Variants in FAXDC2 observed in about 807,000 individuals in gnomAD.
FAXDC2 encodes the protein fatty acid hydroxylase domain containing 2.
A neutral mutation model predicts 40.9 loss-of-function variants in FAXDC2; 41 were observed. The ratio of observed to expected loss-of-function variants is 1.00; its 90% confidence interval spans 0.78 to 1.30. The LOEUF is 1.30. FAXDC2 is among the 50% of genes most tolerant of loss of function. FAXDC2 has a pLI of 0.00. For missense variants in FAXDC2, 390 were observed against 408.8 expected, an observed-to-expected ratio of 0.95 and a Z score of 0.40; for synonymous variants, 157 against 149.3, an observed-to-expected ratio of 1.05 and a Z score of -0.38.
intron 1 of FAXDC2, among the ~76,000 whole-genome samples, chr5:154,846,380 A>T (rs1431856236): frequency 1.3e-5 from 2 of 151,980 alleles, no homozygotes; most frequent in Non-Finnish European, 2.9e-5. Flanking sequence ...ACAATGCTAG[A>T]CATGGGATAG....
At chr5:154,832,180 A>AT (rs1221777602) in intron 4 of FAXDC2, among the ~76,000 whole-genome samples, 6 of 150,406 alleles carry the variant, frequency 4.0e-5, no homozygotes, top group Non-Finnish European at 1.5e-5. Context: ...GAATTGCCTG[A>AT]TTTTTATTTT....
rs145518722 is a variant in FAXDC2, at chr5:154,834,629, A to G, written c.240T>C (p.Phe80=). The G allele has an allele frequency of 9.7e-3, 15,626 of 1,610,392 alleles. 95 individuals are homozygous for G. The highest frequency in any genetic ancestry group is 0.012 in the Non-Finnish European group (13,856 of 1,176,666). Residue 80 remains phenylalanine, a synonymous_variant, in exon 4 of 9, where the codon TTT becomes TTC. Transcript: ENST00000326080. Reference sequence around the variant, plus strand: ...CTGGTGGTCTGGGAACCTCACCTATAAAGAAGAGGATCCACTCCTTCCCTT... The same window carrying G: ...CTGGTGGTCTGGGAACCTCACCTATGAAGAAGAGGATCCACTCCTTCCCTT... The part of the protein sequence containing the change: ...TFEGKEWILF[F]IGAIQVPCLF...
intron 4 of FAXDC2, among the ~76,000 whole-genome samples, chr5:154,831,667 A>C (rs1760195707): frequency 6.6e-6 from 1 of 152,084 alleles, no homozygotes; most frequent in Non-Finnish European, 1.5e-5. Context: ...AGCACCCTTC[A>C]TGCTCCATCA....
chr5:154,822,669 T>C (rs1759921127), intron 6 of FAXDC2, 92 bp from the exon 7 acceptor site: 3 of 939,896 alleles, frequency 3.2e-6, no homozygotes, highest in Non-Finnish European at 5.2e-6. Context: ...AACTAGGGGT[T>C]ACATCCATGG....
In FAXDC2 at chr5:154,822,560, G is replaced by A. The variant is rs943745693; in HGVS notation, c.590C>T (p.Thr197Ile). 2.5e-6 allele frequency: 4 copies of A among 1,613,984 alleles called. No individual in the cohort carries two copies. The Admixed American group carries it at 5.0e-5, about 20-fold the overall frequency. ...YYSHRLLHHP[T>I]FYKKIHKKHH... is the part of the protein sequence containing the mutation. Reference sequence around the variant, plus strand: ...TTTCTTGTGGATTTTCTTGTAGAATGTTGGGTGGTGAAGGAGCCTGGGGAA... The same window carrying A: ...TTTCTTGTGGATTTTCTTGTAGAATATTGGGTGGTGAAGGAGCCTGGGGAA... The change falls in exon 7 of 9, where the codon ACA becomes ATA. Residue 197 changes from threonine (T) to isoleucine (I), a missense_variant. Thr to Ile is a moderately conservative substitution (Grantham distance 89). Coordinates refer to ENST00000326080, the MANE Select transcript of FAXDC2 (RefSeq NM_032385.5).
At chr5:154,821,119 TG>T in intron 8 of FAXDC2, 140 bp downstream of exon 8, 1 of 728,672 alleles carries the variant, frequency 1.4e-6, no homozygotes, top group Non-Finnish European at 2.4e-6. Context: ...CATCCCAGTG[TG>T]GTTATTTTCC....
rs1759811609 is a variant in FAXDC2 at position 154,819,178 on chromosome 5, A to G, written c.*1138T>C. 6.6e-6 allele frequency: 1 copy of G among 152,230 alleles called. No individual in the cohort carries two copies. The highest frequency in any genetic ancestry group is 1.5e-5 in the Non-Finnish European group (1 of 68,050). 9.4% of individuals were successfully genotyped at this position (152,230 alleles called of 1,614,324 possible). ...CAAGTATATATAAGAATTTAGTAAAATGATAATGGTGGTCTTTCAAATCAA... is the reference window on the plus strand; with the variant it reads ...CAAGTATATATAAGAATTTAGTAAAGTGATAATGGTGGTCTTTCAAATCAA... On this transcript the variant is annotated 3_prime_UTR_variant, in exon 9 of 9. Transcript: ENST00000326080.
chr5:154,834,555 A>C, intron 4 of FAXDC2, 70 bp downstream of exon 4: 2 of 1,162,360 alleles, frequency 1.7e-6, no homozygotes, highest in Non-Finnish European at 2.5e-6. Context: ...AGTAGAGAAC[A>C]AAACAACAAA....
In FAXDC2 at chr5:154,818,914, G is replaced by C. The variant is rs1759802094; in HGVS notation, c.*1402C>G. 6.6e-6 allele frequency: 1 copy of C among 152,292 alleles called. No homozygotes were observed. The allele number at this position is 152,292 out of a possible 1,614,324, so 9.4% of individuals were successfully genotyped here. A position where few individuals can be genotyped will look rare whatever the true frequency, so the allele number is the denominator to read the frequency against. ...GCTGAGGGCAAAAGCCTCCTAGGGA[G>C]GGAGCCAGGTCCACCAAGGCCAGAG... On this transcript the variant is annotated 3_prime_UTR_variant, in exon 9 of 9. Coordinates refer to ENST00000326080, the MANE Select transcript of FAXDC2 (RefSeq NM_032385.5).
chr5:154,834,626 T>C lies in FAXDC2; in HGVS notation c.243A>G (p.Ile81Met). The change falls in exon 4 of 9, where the codon ATA (isoleucine) becomes ATG (methionine). Residue 81 changes from isoleucine to methionine, a missense_variant and splice_region_variant. Ile to Met is a conservative substitution (Grantham distance 10, BLOSUM62 1). Coordinates refer to ENST00000326080, the MANE Select transcript of FAXDC2 (RefSeq NM_032385.5). ...FEGKEWILFF[I>M]GAIQVPCLFF... ...GTGCTGGTGGTCTGGGAACCTCACCTATAAAGAAGAGGATCCACTCCTTCC... is the reference window on the plus strand; with the variant it reads ...GTGCTGGTGGTCTGGGAACCTCACCCATAAAGAAGAGGATCCACTCCTTCC... 9 of 1,609,204 alleles carry C rather than the reference T, an allele frequency of 5.6e-6. No homozygotes were observed. Among genetic ancestry groups the C allele is most frequent in the Non-Finnish European group, 7.7e-6 (9 of 1,175,578 alleles).
Position 154,824,750 on chromosome 5 carries a change from T to A in FAXDC2, c.367-1158A>T, listed in dbSNP as rs1041035386. 8.8e-6 allele frequency: 5 copies of A among 569,810 alleles called. No homozygotes were observed. In the African/African-American group the frequency reaches 9.4e-5, roughly 11 times the overall value. The allele number at this position is 569,810 out of a possible 1,614,324, so 35.3% of individuals were successfully genotyped here. A position where few individuals can be genotyped will look rare whatever the true frequency, so the allele number is the denominator to read the frequency against. Reference sequence around the variant, plus strand: ...ACAAAGATTCCTGCCCCCATGGAATTTATGTTCCAGTGAGAAAGGTAGACT... The same window carrying A: ...ACAAAGATTCCTGCCCCCATGGAATATATGTTCCAGTGAGAAAGGTAGACT... On this transcript the variant is annotated intron_variant, in intron 5 of 8. Transcript: ENST00000326080.
chr5:154,828,876 C>G lies in FAXDC2; in HGVS notation c.366+1925G>C, dbSNP rs535952555. Among the ~76,000 whole-genome samples the G allele has an allele frequency of 9.9e-5, 15 of 150,830 alleles. No homozygotes were observed. In the South Asian group the frequency reaches 3.1e-3, roughly 32 times the overall value. ...TCTGCCTCCCAAAGTGCTGAGATTACAAGCCTGAGCCACTGTGCCCCAGCC... is the reference window on the plus strand; with the variant it reads ...TCTGCCTCCCAAAGTGCTGAGATTAGAAGCCTGAGCCACTGTGCCCCAGCC... On this transcript the variant is annotated intron_variant, in intron 5 of 8. Coordinates refer to ENST00000326080, the MANE Select transcript of FAXDC2 (RefSeq NM_032385.5).
intron 4 of FAXDC2, among the ~76,000 whole-genome samples, chr5:154,832,673 TAA>T (rs924982192): frequency 3.3e-5 from 5 of 152,212 alleles, no homozygotes; most frequent in African/African-American, 4.8e-5. Context: ...CTTCTAGCTC[TAA>T]CACTTAAAAT....
chr5:154,849,051 G>A (rs1466620959), intron 1 of FAXDC2, among the ~76,000 whole-genome samples: 1 of 151,494 alleles, frequency 6.6e-6, no homozygotes, highest in African/African-American at 2.4e-5. Flanking sequence ...AGGCCGAGGT[G>A]GGTAGATCAC....
intron 4 of FAXDC2, among the ~76,000 whole-genome samples, chr5:154,832,670 C>T (rs979097348): frequency 3.3e-5 from 5 of 152,186 alleles, no homozygotes; most frequent in African/African-American, 4.8e-5. Context: ...CTTCTTCTAG[C>T]TCTAACACTT....
Position 154,818,910 on chromosome 5 carries a change from G to T in FAXDC2, c.*1406C>A, listed in dbSNP as rs1759801963. The T allele has an allele frequency of 6.6e-6, 1 of 152,212 alleles. No individual in the cohort carries two copies. The highest frequency in any genetic ancestry group is 2.4e-5 in the African/African-American group (1 of 41,424). 9.4% of individuals were successfully genotyped at this position (152,212 alleles called of 1,614,324 possible). On this transcript the variant is annotated 3_prime_UTR_variant, in exon 9 of 9. Transcript: ENST00000326080. ...TCAAGCTGAGGGCAAAAGCCTCCTA[G>T]GGAGGGAGCCAGGTCCACCAAGGCC...
chr5:154,842,273 C>T (rs1023613441), intron 1 of FAXDC2, among the ~76,000 whole-genome samples: 19 of 152,056 alleles, frequency 1.2e-4, no homozygotes, highest in Admixed American at 3.3e-4. Context: ...TCTCAGCTCA[C>T]GGCAACCTCC....
intron 8 of FAXDC2, 90 bp from the exon 9 acceptor site, chr5:154,820,562 G>A: frequency 6.3e-6 from 7 of 1,109,874 alleles, no homozygotes; most frequent in Non-Finnish European, 9.1e-6. Flanking sequence ...ACATTTCTCA[G>A]CCCTCCTACC....
intron 1 of FAXDC2, among the ~76,000 whole-genome samples, chr5:154,841,999 A>C (rs1398313016): frequency 2.6e-5 from 4 of 152,052 alleles, no homozygotes; most frequent in Non-Finnish European, 5.9e-5. Context: ...CGGCCTTCCA[A>C]AGTGCTGGGA....
Sources: gnomAD v4.1 joint callset for allele counts (sites outside exome capture counted in the v4.1 genomes callset) on GRCh38, gnomAD v4.1.1 for gene constraint, MANE v1.5 for transcripts, NCBI Gene and HGNC (gene_info 2026-07-23, HGNC 2026-07-21) for gene names.